The following PRICKLE2 variants were observed in gnomAD, a reference collection of about 807,000 sequenced individuals.
The protein encoded by PRICKLE2 is prickle planar cell polarity protein 2, also known as prickle-like protein 2.
A neutral mutation model predicts 81.4 loss-of-function variants in PRICKLE2; 21 were observed. The ratio of observed to expected loss-of-function variants is 0.26; its 90% CI spans 0.18 to 0.37. The LOEUF (loss-of-function observed/expected upper bound fraction) is 0.37. Among genes scored for constraint, PRICKLE2 ranks in the 10% least tolerant of loss-of-function variants. The pLI is 1.00. For synonymous variants in PRICKLE2, 456 were observed against 421.5 expected (o/e 1.08, Z -1.00); for missense variants, 940 against 1,109.0 (o/e 0.85, Z 2.16).
At chr3:64,203,393 A>G (rs696020) in intron 1 of PRICKLE2, among the ~76,000 whole-genome samples, 57,798 of 152,090 alleles carry the variant, frequency 0.38, 11,974 homozygotes, top group East Asian at 0.7. Flanking sequence ...ACAAGTTTCA[A>G]TGTGTTTAAG....
intron 2 of PRICKLE2, among the ~76,000 whole-genome samples, chr3:64,197,295 C>A (rs767499631): frequency 6.6e-6 from 1 of 152,110 alleles, no homozygotes. Flanking sequence ...ATTGCTGGGT[C>A]AAATGGTATT....
At chr3:64,234,873 A>G (rs900603894) in intron 2 of PRICKLE2, among the ~76,000 whole-genome samples, 3 of 152,244 alleles carry the variant, frequency 2.0e-5, no homozygotes, top group South Asian at 2.1e-4. Context: ...GAGCTTACCT[A>G]CTTGGAGTAC....
At chr3:64,209,064 T>A (rs565020734) in intron 1 of PRICKLE2, among the ~76,000 whole-genome samples, 1 of 152,186 alleles carries the variant, frequency 6.6e-6, no homozygotes, top group Non-Finnish European at 1.5e-5. Flanking sequence ...TGTCTATCCA[T>A]TCATTCATAT....
intron 2 of PRICKLE2, among the ~76,000 whole-genome samples, chr3:64,176,182 G>A (rs1253031335): frequency 6.6e-6 from 1 of 152,146 alleles, no homozygotes; most frequent in African/African-American, 2.4e-5. Flanking sequence ...TGCAAGGGAA[G>A]CTAGGAAACA....
chr3:64,217,031 G>A (rs696023), intron 1 of PRICKLE2, among the ~76,000 whole-genome samples: 72,337 of 152,116 alleles, frequency 0.48, 19,288 homozygotes, highest in East Asian at 0.67. Context: ...AGCTGTCAGG[G>A]GAAGGGGAGA....
intron 7 of PRICKLE2, 64 bp downstream of exon 7, chr3:64,146,766 A>T (rs1575588753): frequency 6.4e-7 from 1 of 1,566,384 alleles, no homozygotes; most frequent in South Asian, 1.1e-5. Flanking sequence ...ATTCCTGGGG[A>T]CCAGCATCCA....
At chr3:64,213,462 T>C (rs1220711170) in intron 1 of PRICKLE2, among the ~76,000 whole-genome samples, 1 of 152,232 alleles carries the variant, frequency 6.6e-6, no homozygotes, top group Non-Finnish European at 1.5e-5. Flanking sequence ...TCAAGGACTT[T>C]AGAGTTACCA....
intron 2 of PRICKLE2, among the ~76,000 whole-genome samples, chr3:64,264,213 A>G (rs1466411342): frequency 6.6e-6 from 1 of 152,158 alleles, no homozygotes; most frequent in Non-Finnish European, 1.5e-5. Context: ...CAGGGGAGTT[A>G]CCAAACCTCT....
At position 64,225,304 on chromosome 3, in the gene PRICKLE2, C is replaced by G. The variant is rs1282081245; in HGVS notation, c.-435G>C. ...ACAATCTGAAGGAAGAAGTCATAGACTCCAGCCCAGCGTCACCAGCTGATC... is the reference window on the plus strand; with the variant it reads ...ACAATCTGAAGGAAGAAGTCATAGAGTCCAGCCCAGCGTCACCAGCTGATC... On this transcript the variant is annotated 5_prime_UTR_variant, in exon 1 of 8. Coordinates refer to ENST00000638394, the MANE Select transcript of PRICKLE2 (RefSeq NM_198859.4). The G allele has an allele frequency of 1.0e-6, 1 of 985,390 alleles. No individual in the cohort carries two copies. The highest frequency in any genetic ancestry group is 1.7e-5 in the African/African-American group (1 of 57,228). 61.0% of individuals were successfully genotyped at this position (985,390 alleles called of 1,614,324 possible). A position where few individuals can be genotyped will look rare whatever the true frequency, so the allele number is the denominator to read the frequency against.
chr3:64,234,173 G>C (rs1218625337), intron 2 of PRICKLE2, among the ~76,000 whole-genome samples: 1 of 151,862 alleles, frequency 6.6e-6, no homozygotes, highest in African/African-American at 2.4e-5. Context: ...ATTTTCCTTG[G>C]ATACATATCT....
chr3:64,214,803 CCAAG>C (rs2078846243), intron 1 of PRICKLE2, among the ~76,000 whole-genome samples: 1 of 152,116 alleles, frequency 6.6e-6, no homozygotes, highest in Non-Finnish European at 1.5e-5. Context: ...GCACTGCGTC[CCAAG>C]CCTGCTAGAT....
intron 1 of PRICKLE2, among the ~76,000 whole-genome samples, chr3:64,202,664 G>A (rs1296443719): frequency 2.6e-5 from 4 of 151,836 alleles, no homozygotes; most frequent in African/African-American, 9.7e-5. Context: ...GTGTGTGTGT[G>A]TGTGTGTGTA....
chr3:64,132,183 C>A (rs2077206573), intron 7 of PRICKLE2, among the ~76,000 whole-genome samples: 1 of 152,222 alleles, frequency 6.6e-6, no homozygotes, highest in Admixed American at 6.5e-5. Context: ...GCAGTTAACC[C>A]TCAATATTCG....
At chr3:64,213,029 G>T (rs774021503) in intron 1 of PRICKLE2, among the ~76,000 whole-genome samples, 1 of 150,530 alleles carries the variant, frequency 6.6e-6, no homozygotes. Context: ...ATGTATCCTT[G>T]ACCAAGTTTT....
chr3:64,151,977 C>G (rs1481053403), intron 6 of PRICKLE2, among the ~76,000 whole-genome samples: 2 of 152,130 alleles, frequency 1.3e-5, no homozygotes, highest in African/African-American at 4.8e-5. Flanking sequence ...TAAGCCCAGG[C>G]CTGAGCATGT....
intron 6 of PRICKLE2, 38 bp downstream of exon 6, chr3:64,153,144 C>T: frequency 6.3e-7 from 1 of 1,597,832 alleles, no homozygotes; most frequent in African/African-American, 1.3e-5. Context: ...GTGACCGCAT[C>T]ACAGAAGGAC....
At chr3:64,259,652 GTA>G (rs2079587325) in intron 2 of PRICKLE2, among the ~76,000 whole-genome samples, 2 of 149,182 alleles carry the variant, frequency 1.3e-5, no homozygotes, top group Non-Finnish European at 3.0e-5. Flanking sequence ...ATGAGATTAT[GTA>G]GATTATACAA....
intron 2 of PRICKLE2, among the ~76,000 whole-genome samples, chr3:64,234,100 T>C (rs1427288002): frequency 5.9e-5 from 9 of 152,220 alleles, no homozygotes; most frequent in Admixed American, 5.9e-4. Flanking sequence ...CCAGTCTTTA[T>C]GATTATAAAT....
At chr3:64,171,120 G>T (rs982847139) in intron 2 of PRICKLE2, among the ~76,000 whole-genome samples, 10 of 151,910 alleles carry the variant, frequency 6.6e-5, no homozygotes, top group Non-Finnish European at 1.2e-4. Context: ...CATTCCCTCG[G>T]CCTGAAAGGT....
Sources: allele counts gnomAD v4.1 joint callset (sites outside exome capture counted in the v4.1 genomes callset), GRCh38; gene constraint gnomAD v4.1.1; transcripts MANE v1.5; gene names NCBI Gene and HGNC (gene_info 2026-07-23, HGNC 2026-07-21).